Variants in AGBL1 observed in about 807,000 individuals in gnomAD.
AGBL1 encodes AGBL carboxypeptidase 1.
In AGBL1, 130 loss-of-function variants were observed where a neutral mutation model predicts 118.9. That is an observed-to-expected ratio of 1.09 (90% confidence interval 0.95 to 1.26). The LOEUF (loss-of-function observed/expected upper bound fraction) is 1.26, where lower values mean the gene tolerates loss of function less well. Ranked by LOEUF, AGBL1 falls within the 50% of genes most tolerant of loss-of-function variation. AGBL1 has a pLI of 0.00. For synonymous variants in AGBL1, 555 were observed against 478.9 expected (o/e 1.16, Z -2.08); for missense variants, 1,584 against 1,298.1 (o/e 1.22, Z -3.38).
chr15:86,494,797 A>G (rs1411991700), intron 18 of AGBL1, among the ~76,000 whole-genome samples: 1 of 152,100 alleles, frequency 6.6e-6, no homozygotes, highest in Non-Finnish European at 1.5e-5. Flanking sequence ...TTATACAGGT[A>G]TATCAGGAGC....
At chr15:86,198,357 C>A (rs1398308029) in intron 5 of AGBL1, among the ~76,000 whole-genome samples, 1 of 152,100 alleles carries the variant, frequency 6.6e-6, no homozygotes, top group Non-Finnish European at 1.5e-5. Context: ...TTGACTTAGA[C>A]AATAATTAGA....
chr15:86,224,301 T>G (rs985911678), intron 5 of AGBL1, among the ~76,000 whole-genome samples: 2 of 152,146 alleles, frequency 1.3e-5, no homozygotes, highest in South Asian at 4.1e-4. Context: ...AAAAAGTATT[T>G]TTCATTCTCA....
At chr15:86,246,388 C>G (rs547418371) in intron 6 of AGBL1, among the ~76,000 whole-genome samples, 5 of 152,278 alleles carry the variant, frequency 3.3e-5, no homozygotes, top group African/African-American at 1.2e-4. Context: ...CTAACAGTGT[C>G]TGGGGAGAGA....
chr15:86,558,846 G>A (rs182665292), intron 21 of AGBL1, among the ~76,000 whole-genome samples: 30 of 152,274 alleles, frequency 2.0e-4, no homozygotes, highest in Non-Finnish European at 3.8e-4. Context: ...AGCCCAGACT[G>A]TAGGCTGACT....
rs1249743556 is a variant in AGBL1 at position 86,907,206 on chromosome 15, A to T, written c.3278A>T (p.Asp1093Val). 6.6e-6 allele frequency: 1 copy of T among 152,270 alleles called. No individual in the cohort carries two copies. Among genetic ancestry groups the T allele is most frequent in the Non-Finnish European group, 1.5e-5 (1 of 68,140 alleles). The allele number at this position is 152,270 out of a possible 1,614,324, so 9.4% of individuals were successfully genotyped here. A position where few individuals can be genotyped will look rare whatever the true frequency, so the allele number is the denominator to read the frequency against. ...SDQEGSLSELDRRIQECAFNK... is the reference protein window; with the variant it reads ...SDQEGSLSELVRRIQECAFNK... The stretch of plus-strand genomic sequence containing the variant: ...CAGGAAGGGAGCTTGTCTGAGCTGG[A>T]CCGGAGGATCCAGGAGTGTGCCTTC... The change falls in exon 23 of 23, where the codon GAC becomes GTC. Residue 1093 changes from aspartate to valine, a missense_variant. Asp to Val is a radical substitution (Grantham distance 152, BLOSUM62 -3). Transcript: ENST00000614907.
At chr15:86,394,917 G>A (rs1345186610) in intron 17 of AGBL1, among the ~76,000 whole-genome samples, 5 of 152,160 alleles carry the variant, frequency 3.3e-5, no homozygotes, top group Non-Finnish European at 5.9e-5. Context: ...CATGAAGCTA[G>A]TATTTTAATA....
At position 86,105,657 on chromosome 15, in the gene AGBL1, C is replaced by T. The variant is rs1015298929; in HGVS notation, c.51+25634C>T. Among the ~76,000 whole-genome samples, 5 of 152,110 alleles carry T rather than the reference C, an allele frequency of 3.3e-5. No homozygotes were observed. In the South Asian group the frequency reaches 6.2e-4, roughly 19 times the overall value. On this transcript the variant is annotated intron_variant, in intron 1 of 22. Transcript: ENST00000614907. ...TTTACTCAGCCCTTTTTCTATTTTC[C>T]GGGTCACAGGGCAGGGCCAAACATC... is the stretch of plus-strand genomic sequence containing the variant.
chr15:86,834,490 G>T (rs2079145937), intron 22 of AGBL1, among the ~76,000 whole-genome samples: 1 of 152,076 alleles, frequency 6.6e-6, no homozygotes, highest in South Asian at 2.1e-4. Flanking sequence ...TAATTTACAG[G>T]CCCTCTTAGG....
intron 21 of AGBL1, among the ~76,000 whole-genome samples, chr15:86,668,805 A>G (rs1386290999): frequency 6.6e-6 from 1 of 152,196 alleles, no homozygotes; most frequent in Admixed American, 6.5e-5. Context: ...ATAAATTAGT[A>G]AGACCGCAAT....
rs1186911005 is a variant in AGBL1, at chr15:86,279,898, G to C, written c.2220+115G>C. The C allele has an allele frequency of 3.8e-5, 51 of 1,338,318 alleles. No individual in the cohort carries two copies. In the East Asian group the frequency reaches 1.2e-3, roughly 30 times the overall value. 82.9% of individuals were successfully genotyped at this position (1,338,318 alleles called of 1,614,324 possible). ...ATGGGGTGCAGAGGGGAATGTAGGG[G>C]AACTACAGCCTTCCTAAAGGAGCCA... On this transcript the variant is annotated intron_variant, in intron 16 of 22. Coordinates refer to ENST00000614907, the MANE Select transcript of AGBL1 (RefSeq NM_001386094.1).
At chr15:86,789,581 A>G (rs767403063) in intron 22 of AGBL1, among the ~76,000 whole-genome samples, 68 of 152,136 alleles carry the variant, frequency 4.5e-4, no homozygotes, top group Middle Eastern at 3.2e-3. Context: ...CTCCTGGCCA[A>G]TGATCCAGGT....
chr15:86,709,351 A>G (rs1341778709), intron 22 of AGBL1, among the ~76,000 whole-genome samples: 1 of 152,078 alleles, frequency 6.6e-6, no homozygotes, highest in East Asian at 1.9e-4. Flanking sequence ...TTTTTCAAAA[A>G]GCAGGTGGGG....
chr15:86,924,461 A>G (rs1207133696), intron 23 of AGBL1, among the ~76,000 whole-genome samples: 1 of 152,210 alleles, frequency 6.6e-6, no homozygotes, highest in African/African-American at 2.4e-5. Context: ...AATATTAGCT[A>G]TTGAAAAGCT....
chr15:86,355,677 G>C (rs1205923719), intron 17 of AGBL1, among the ~76,000 whole-genome samples: 1 of 152,138 alleles, frequency 6.6e-6, no homozygotes, highest in African/African-American at 2.4e-5. Flanking sequence ...ATTTTATAAT[G>C]TGTTAAGAAT....
chr15:86,471,384 A>G (rs545168964), intron 18 of AGBL1, among the ~76,000 whole-genome samples: 4 of 152,252 alleles, frequency 2.6e-5, no homozygotes, highest in South Asian at 2.1e-4. Flanking sequence ...TTTGTATCTC[A>G]GGGACAAATT....
intron 17 of AGBL1, among the ~76,000 whole-genome samples, chr15:86,350,115 T>G (rs2080602088): frequency 6.6e-6 from 1 of 152,230 alleles, no homozygotes; most frequent in Admixed American, 6.5e-5. Context: ...GAGTTTTGCC[T>G]GGGAAATACA....
At chr15:86,819,065 G>A (rs1242333202) in intron 22 of AGBL1, among the ~76,000 whole-genome samples, 1 of 151,832 alleles carries the variant, frequency 6.6e-6, no homozygotes, top group Admixed American at 6.6e-5. Flanking sequence ...ATTTTTGTCT[G>A]GAAGTCTTTC....
chr15:86,526,485 T>C (rs1357516895), intron 19 of AGBL1, among the ~76,000 whole-genome samples: 1 of 148,788 alleles, frequency 6.7e-6, no homozygotes, highest in East Asian at 2.0e-4. Context: ...CATCAATTGA[T>C]GAGTGGATGA....
chr15:86,088,076 C>T (rs892423610), intron 1 of AGBL1: 2 of 152,286 alleles, frequency 1.3e-5, no homozygotes, highest in African/African-American at 2.4e-5. Flanking sequence ...AACCCTGCCA[C>T]TGCAGCTGTA....
Sources: gnomAD v4.1 joint callset for allele counts (sites outside exome capture counted in the v4.1 genomes callset) on GRCh38, gnomAD v4.1.1 for gene constraint, MANE v1.5 for transcripts, NCBI Gene and HGNC (gene_info 2026-07-23, HGNC 2026-07-21) for gene names.